The following KTN1 variants were observed in gnomAD, a reference collection of about 807,000 sequenced individuals.
KTN1 encodes the protein kinectin.
Under a neutral mutation model 222.5 loss-of-function variants are expected in KTN1, and 130 were observed. The ratio of observed to expected loss-of-function variants is 0.58; its 90% CI spans 0.51 to 0.68. The LOEUF (loss-of-function observed/expected upper bound fraction) is 0.68, where lower values mean the gene tolerates loss of function less well. KTN1 is among the 30% of genes least tolerant of loss of function. The pLI is 0.00. For missense variants in KTN1, 1,508 were observed against 1,500.4 expected, an observed-to-expected ratio of 1.01 and a Z score of -0.08; for synonymous variants, 512 against 496.3, an observed-to-expected ratio of 1.03 and a Z score of -0.42.
At chr14:55,616,755 G>A in intron 3 of KTN1, 101 bp downstream of exon 3, 3 of 910,556 alleles carry the variant, frequency 3.3e-6, no homozygotes, top group Non-Finnish European at 4.9e-6. Context: ...CCAGTTTAAT[G>A]TGTGCTAATG....
intron 1 of KTN1, among the ~76,000 whole-genome samples, chr14:55,609,818 G>GT (rs1410332787): frequency 1.3e-5 from 2 of 151,918 alleles, no homozygotes; most frequent in Non-Finnish European, 2.9e-5. Flanking sequence ...ATTGTTTTGT[G>GT]TTTTTTCTCC....
Position 55,673,275 on chromosome 14 carries a change from C to T in KTN1, c.3771+20C>T. ...AATTTGGTAAGAAGCTTGTCCTCCACTGGGTATCAAGTAGGCACTGAAAAC... is the reference window on the plus strand; with the variant it reads ...AATTTGGTAAGAAGCTTGTCCTCCATTGGGTATCAAGTAGGCACTGAAAAC... On this transcript the variant is annotated intron_variant, in intron 40 of 43. Coordinates refer to ENST00000395314, the MANE Select transcript of KTN1 (RefSeq NM_001079521.2). 2 of 1,527,642 alleles carry T rather than the reference C, an allele frequency of 1.3e-6. No homozygotes were observed. The highest frequency in any genetic ancestry group is 1.8e-6 in the Non-Finnish European group (2 of 1,102,260). 94.6% of individuals were successfully genotyped at this position (1,527,642 alleles called of 1,614,324 possible). A position where few individuals can be genotyped will look rare whatever the true frequency, so the allele number is the denominator to read the frequency against.
At chr14:55,591,969 GT>G (rs2034230309) in intron 1 of KTN1, among the ~76,000 whole-genome samples, 1 of 152,046 alleles carries the variant, frequency 6.6e-6, no homozygotes, top group Non-Finnish European at 1.5e-5. Context: ...TTTCTGTTGG[GT>G]TTATCTTTTT....
chr14:55,660,767 A>G (rs1049310572), intron 31 of KTN1, among the ~76,000 whole-genome samples: 4 of 152,192 alleles, frequency 2.6e-5, no homozygotes, highest in African/African-American at 9.7e-5. Context: ...ATGTGTATAT[A>G]TATGTGTATA....
chr14:55,648,752 A>T (rs760688320), intron 20 of KTN1, 50 bp from the exon 21 acceptor site: 1 of 1,213,436 alleles, frequency 8.2e-7, no homozygotes, highest in Non-Finnish European at 1.2e-6. Context: ...GAAGCTAGCT[A>T]TATTTTTCAG....
At chr14:55,656,163 T>A (rs1399346524) in intron 29 of KTN1, 31 bp downstream of exon 29, 1 of 1,392,780 alleles carries the variant, frequency 7.2e-7, no homozygotes, top group East Asian at 2.4e-5. Context: ...TTAATTATTT[T>A]GTAAATTATT....
intron 1 of KTN1, among the ~76,000 whole-genome samples, chr14:55,586,031 G>T (rs181567877): frequency 5.9e-5 from 9 of 152,302 alleles, no homozygotes; most frequent in African/African-American, 2.2e-4. Flanking sequence ...GAAAATGTGG[G>T]ACAATTATTA....
intron 1 of KTN1, among the ~76,000 whole-genome samples, chr14:55,611,021 A>T (rs994843780): frequency 6.6e-6 from 1 of 152,206 alleles, no homozygotes; most frequent in Non-Finnish European, 1.5e-5. Context: ...TTTGCTGTAT[A>T]ACTTGTTTTG....
chr14:55,640,500 T>C, intron 15 of KTN1, 58 bp downstream of exon 15: 1 of 1,212,018 alleles, frequency 8.3e-7, no homozygotes, highest in Non-Finnish European at 1.2e-6. Context: ...GTATTCTTAT[T>C]TTCATTGATA....
At chr14:55,616,438 G>A in intron 2 of KTN1, 79 bp from the exon 3 acceptor site, 1 of 1,283,318 alleles carries the variant, frequency 7.8e-7, no homozygotes, top group Non-Finnish European at 1.1e-6. Context: ...AAACATTCTG[G>A]GAATTACTCA....
At chr14:55,622,968 C>CA (rs2039357831) in intron 5 of KTN1, among the ~76,000 whole-genome samples, 1 of 152,212 alleles carries the variant, frequency 6.6e-6, no homozygotes, top group African/African-American at 2.4e-5. Context: ...TCTGGTTCTT[C>CA]TGTCATACCA....
chr14:55,636,821 G>T (rs2041181595), intron 10 of KTN1, among the ~76,000 whole-genome samples: 1 of 151,258 alleles, frequency 6.6e-6, no homozygotes, highest in Non-Finnish European at 1.5e-5. Context: ...TATTCTCTTT[G>T]GTTCTTTGGT....
At chr14:55,594,988 T>C (rs1245705690) in intron 1 of KTN1, among the ~76,000 whole-genome samples, 3 of 152,210 alleles carry the variant, frequency 2.0e-5, no homozygotes, top group East Asian at 3.8e-4. Flanking sequence ...TTAAGTTGTC[T>C]GCACAGAAAA....
chr14:55,595,301 G>T (rs1254170968), intron 1 of KTN1, among the ~76,000 whole-genome samples: 1 of 152,148 alleles, frequency 6.6e-6, no homozygotes, highest in African/African-American at 2.4e-5. Context: ...ACCAAAAAAG[G>T]TCATTGCTTG....
intron 21 of KTN1, 131 bp from the exon 22 acceptor site, chr14:55,649,645 C>T (rs1161089222): frequency 8.3e-6 from 5 of 601,202 alleles, no homozygotes; most frequent in South Asian, 4.2e-5. Flanking sequence ...AAAAAAGTCT[C>T]GAAAGAATGC....
In KTN1 at chr14:55,639,165, A is replaced by T; in HGVS notation, c.1786-20A>T. On this transcript the variant is annotated intron_variant, in intron 12 of 43. Transcript: ENST00000395314. ...CTTTCTCTTAAATACTTTTATGTTGACACTATTTTTCTTTCTTAGACCTCC... is the reference window on the plus strand; with the variant it reads ...CTTTCTCTTAAATACTTTTATGTTGTCACTATTTTTCTTTCTTAGACCTCC... 6.4e-7 allele frequency: 1 copy of T among 1,557,540 alleles called. No homozygotes were observed. The highest frequency in any genetic ancestry group is 8.9e-7 in the Non-Finnish European group (1 of 1,129,796).
intron 37 of KTN1, 37 bp downstream of exon 37, chr14:55,671,914 G>T (rs894136370): frequency 8.3e-7 from 1 of 1,206,308 alleles, no homozygotes; most frequent in Admixed American, 1.7e-5. Flanking sequence ...AGTGGTTCTC[G>T]ATGTGTGGGG....
chr14:55,650,681 T>G lies in KTN1; in HGVS notation c.2565+44T>G, dbSNP rs201350932. The G allele has an allele frequency of 1.2e-4, 167 of 1,401,516 alleles. 2 individuals carry two copies. The African/African-American group carries it at 2.1e-3, about 18-fold the overall frequency. 86.8% of individuals were successfully genotyped at this position (1,401,516 alleles called of 1,614,324 possible). ...TAGCATGACAGATTTATTAGTTGTGTTATTTATGAGCTATTTGATTTTTTT... is the reference window on the plus strand; with the variant it reads ...TAGCATGACAGATTTATTAGTTGTGGTATTTATGAGCTATTTGATTTTTTT... On this transcript the variant is annotated intron_variant, in intron 24 of 43. Transcript: ENST00000395314.
intron 6 of KTN1, among the ~76,000 whole-genome samples, chr14:55,628,515 A>G (rs2040125287): frequency 6.6e-6 from 1 of 152,236 alleles, no homozygotes; most frequent in Non-Finnish European, 1.5e-5. Context: ...GCCAATCTTT[A>G]AAACATCATG....
Sources: gnomAD v4.1 joint callset for allele counts (sites outside exome capture counted in the v4.1 genomes callset) on GRCh38, gnomAD v4.1.1 for gene constraint, MANE v1.5 for transcripts, NCBI Gene and HGNC (gene_info 2026-07-23, HGNC 2026-07-21) for gene names.